RBM26: variants seen among roughly 807,000 people sequenced by gnomAD.
RBM26 encodes the protein RNA-binding protein 26.
In RBM26, 30 loss-of-function variants were observed where a neutral mutation model predicts 123.6. The ratio of observed to expected loss-of-function variants is 0.24; its 90% CI spans 0.18 to 0.33. RBM26 has a LOEUF of 0.33. Among genes scored for constraint, RBM26 ranks in the 10% least tolerant of loss-of-function variants. The pLI is 1.00. For missense variants in RBM26, 947 were observed against 1,203.6 expected, an observed-to-expected ratio of 0.79 and a Z score of 3.15; for synonymous variants, 400 against 404.4, an observed-to-expected ratio of 0.99 and a Z score of 0.13.
At chr13:79,372,420 T>C (rs1257274807) in intron 3 of RBM26, among the ~76,000 whole-genome samples, 1 of 152,000 alleles carries the variant, frequency 6.6e-6, no homozygotes, top group African/African-American at 2.4e-5. Context: ...AAAATTGTCA[T>C]CTTCTAAAAT....
chr13:79,369,803 C>T (rs1370582308), intron 5 of RBM26, among the ~76,000 whole-genome samples: 2 of 152,130 alleles, frequency 1.3e-5, no homozygotes, highest in Non-Finnish European at 2.9e-5. Context: ...TGAAGTATAA[C>T]TGATATATAA....
intron 16 of RBM26, among the ~76,000 whole-genome samples, chr13:79,343,769 ACTT>A (rs1483374543): frequency 6.6e-6 from 1 of 151,890 alleles, no homozygotes; most frequent in Non-Finnish European, 1.5e-5. Flanking sequence ...GTGATGTTTT[ACTT>A]TTTTCTTTGT....
intron 11 of RBM26, among the ~76,000 whole-genome samples, chr13:79,357,613 C>T (rs181176721): frequency 6.6e-5 from 10 of 152,064 alleles, no homozygotes; most frequent in Admixed American, 5.9e-4. Context: ...GTATCTGGGC[C>T]CCAAAAGTCT....
Position 79,358,420 on chromosome 13 carries a change from T to C in RBM26, c.1543A>G (p.Arg515Gly). The C allele has an allele frequency of 1.2e-6, 2 of 1,608,332 alleles. No homozygotes were observed. The highest frequency in any genetic ancestry group is 1.1e-5 in the South Asian group (1 of 89,368). The change falls in exon 11 of 22, where the codon AGA (arginine) becomes GGA (glycine). Residue 515 changes from arginine to glycine, a missense_variant. By Grantham distance (125) the Arg-to-Gly change is moderately radical. This residue lies in a region of RBM26 where 493 missense variants were observed against 563.1 expected (regional missense o/e 0.88). Coordinates refer to ENST00000438737, the MANE Select transcript of RBM26 (RefSeq NM_001366735.2). ...TTCTGAAAGCCTGGGCTGTTTGTTC[T>C]ATTAAAATTTGGTCTGCAAACAAAA... ...KTWFDKPNFNRTNSPGFQKKV... is the reference protein window; with the variant it reads ...KTWFDKPNFNGTNSPGFQKKV...
chr13:79,358,130 G>A (rs540956071), intron 11 of RBM26, 144 bp downstream of exon 11: 56 of 604,338 alleles, frequency 9.3e-5, no homozygotes, highest in African/African-American at 3.3e-4. Flanking sequence ...TGATCCGCCC[G>A]CCTTGGCCTC....
intron 9 of RBM26, among the ~76,000 whole-genome samples, chr13:79,362,493 T>A (rs2074814544): frequency 6.6e-6 from 1 of 152,168 alleles, no homozygotes; most frequent in African/African-American, 2.4e-5. Context: ...CTCAAAAGTA[T>A]CACAGGGTAC....
intron 1 of RBM26, among the ~76,000 whole-genome samples, chr13:79,388,316 G>C (rs1454021440): frequency 6.6e-6 from 1 of 152,170 alleles, no homozygotes; most frequent in Non-Finnish European, 1.5e-5. Flanking sequence ...GGCTGGTCTC[G>C]AACTTCTGAC....
At chr13:79,389,167 C>T (rs559524122) in intron 1 of RBM26, among the ~76,000 whole-genome samples, 2 of 152,034 alleles carry the variant, frequency 1.3e-5, no homozygotes, top group African/African-American at 2.4e-5. Context: ...CACTATCTCC[C>T]GTAACTTCTT....
chr13:79,365,939 G>T, intron 8 of RBM26, 116 bp downstream of exon 8: 1 of 1,073,392 alleles, frequency 9.3e-7, no homozygotes, highest in African/African-American at 1.6e-5. Flanking sequence ...ATTCACCACG[G>T]CTACATAATT....
chr13:79,400,979 GA>G (rs1404912580), intron 1 of RBM26, among the ~76,000 whole-genome samples: 1 of 152,202 alleles, frequency 6.6e-6, no homozygotes, highest in African/African-American at 2.4e-5. Flanking sequence ...AAAGTGACTA[GA>G]AGCGTTTTAT....
intron 3 of RBM26, among the ~76,000 whole-genome samples, chr13:79,374,491 A>G (rs2076469472): frequency 6.6e-6 from 1 of 152,108 alleles, no homozygotes; most frequent in Non-Finnish European, 1.5e-5. Context: ...CGTCTCAAAA[A>G]ACAAACAAAA....
intron 1 of RBM26, among the ~76,000 whole-genome samples, chr13:79,384,452 T>A (rs916133537): frequency 6.6e-6 from 1 of 152,106 alleles, no homozygotes; most frequent in African/African-American, 2.4e-5. Flanking sequence ...AAATAGGGTC[T>A]TGCTCTGTTG....
rs1336266492 is a variant in RBM26 at position 79,377,478 on chromosome 13, C to G, written c.228G>C (p.Val76=). 1 of 1,612,442 alleles carries G rather than the reference C, an allele frequency of 6.2e-7. No individual in the cohort carries two copies. The highest frequency in any genetic ancestry group is 8.5e-7 in the Non-Finnish European group (1 of 1,178,826). The change falls in exon 3 of 22, where the codon GTG becomes GTC. Residue 76 remains valine, a synonymous_variant. Coordinates refer to ENST00000438737, the MANE Select transcript of RBM26 (RefSeq NM_001366735.2). ...QIFVEKLFDA[V]NTKSYLPPPE... The stretch of plus-strand genomic sequence containing the variant: ...GAGGAGGTAGGTAACTCTTTGTATT[C>G]ACAGCATCAAAAAGTTTTTCCACAA...
downstream of RBM26, among the ~76,000 whole-genome samples, chr13:79,316,817 C>T (rs1388942513): frequency 6.6e-6 from 1 of 151,682 alleles, no homozygotes; most frequent in Non-Finnish European, 1.5e-5. Context: ...CACAACGTTC[C>T]TCAATTTTTT....
chr13:79,373,534 T>C (rs1339381180), intron 3 of RBM26, among the ~76,000 whole-genome samples: 1 of 25,756 alleles, frequency 3.9e-5, no homozygotes, highest in Non-Finnish European at 7.2e-5. Context: ...TATATATATT[T>C]ATATAATATA....
intron 7 of RBM26, 39 bp downstream of exon 7, chr13:79,366,594 T>C: frequency 1.4e-6 from 2 of 1,480,998 alleles, no homozygotes; most frequent in Non-Finnish European, 1.8e-6. Context: ...AGACTAAGAA[T>C]GGCTAGATAA....
chr13:79,386,384 T>C (rs944946777), intron 1 of RBM26, among the ~76,000 whole-genome samples: 6 of 149,594 alleles, frequency 4.0e-5, no homozygotes, highest in African/African-American at 7.3e-5. Context: ...TTGAGAACCA[T>C]AGCTTTAGAA....
chr13:79,369,252 G>GA (rs1347730143), intron 5 of RBM26, among the ~76,000 whole-genome samples: 1 of 151,980 alleles, frequency 6.6e-6, no homozygotes, highest in Non-Finnish European at 1.5e-5. Flanking sequence ...TAGAAAAAAG[G>GA]AATTTTATAT....
chr13:79,331,387 G>A (rs1301132491), intron 20 of RBM26, among the ~76,000 whole-genome samples: 1 of 151,242 alleles, frequency 6.6e-6, no homozygotes, highest in Non-Finnish European at 1.5e-5. Flanking sequence ...TTGGGATGCT[G>A]AGGCAGGTGG....
Sources: allele counts gnomAD v4.1 joint callset (sites outside exome capture counted in the v4.1 genomes callset), GRCh38; gene constraint gnomAD v4.1.1; regional missense constraint gnomAD v4.1.1; transcripts MANE v1.5; gene names NCBI Gene and HGNC (gene_info 2026-07-23, HGNC 2026-07-21).